SEPTIN3: variants seen among roughly 807,000 people sequenced by gnomAD.
The protein encoded by SEPTIN3 is neuronal-specific septin-3.
A neutral mutation model predicts 45.1 loss-of-function variants in SEPTIN3; 15 were observed. The observed-to-expected ratio is 0.33, with a 90% confidence interval of 0.22 to 0.51. The LOEUF (loss-of-function observed/expected upper bound fraction) is 0.51, where lower values mean the gene tolerates loss of function less well. Ranked by LOEUF, SEPTIN3 falls within the 20% of genes least tolerant of loss-of-function variation. The pLI, the probability that SEPTIN3 is intolerant of heterozygous loss-of-function variation, is 0.97. For synonymous variants in SEPTIN3, 148 were observed against 164.8 expected, an observed-to-expected ratio of 0.90 and a Z score of 0.78; for missense variants, 289 against 457.2, an observed-to-expected ratio of 0.63 and a Z score of 3.35.
intron 7 of SEPTIN3, among the ~76,000 whole-genome samples, chr22:41,990,670 C>T (rs1297263407): frequency 1.4e-5 from 2 of 144,654 alleles, no homozygotes; most frequent in African/African-American, 5.2e-5. Context: ...GGCATGAACC[C>T]GAGAGGCGGC....
chr22:41,972,590 A>G lies in SEPTIN3; in HGVS notation c.1098A>G (p.Thr366=). ...EPDKLGKAMA[T]RSTAKPDMTT... The stretch of plus-strand genomic sequence containing the variant: ...ACAAGCTGGGCAAAGCCATGGCTAC[A>G]AGAAGCACAGCCAAACCAGATATGA... Residue 366 remains threonine, a synonymous_variant, in exon 2 of 12, where the codon ACA becomes ACG. Coordinates refer to ENST00000644076, the MANE Select transcript of SEPTIN3 (RefSeq NM_001363845.2). 1 of 399,166 alleles carries G rather than the reference A, an allele frequency of 2.5e-6. No homozygotes were observed. The highest frequency in any genetic ancestry group is 4.4e-6 in the Non-Finnish European group (1 of 226,136). The allele number at this position is 399,166 out of a possible 1,614,324, so 24.7% of individuals were successfully genotyped here. A position where few individuals can be genotyped will look rare whatever the true frequency, so the allele number is the denominator to read the frequency against.
Position 41,972,099 on chromosome 22 carries a change from G to A in SEPTIN3, c.607G>A (p.Ala203Thr), listed in dbSNP as rs2077966112. 1 of 399,092 alleles carries A rather than the reference G, an allele frequency of 2.5e-6. No homozygotes were observed. Among genetic ancestry groups the A allele is most frequent in the Non-Finnish European group, 4.4e-6 (1 of 226,120 alleles). 24.7% of individuals were successfully genotyped at this position (399,092 alleles called of 1,614,324 possible). A position where few individuals can be genotyped will look rare whatever the true frequency, so the allele number is the denominator to read the frequency against. The change falls in exon 2 of 12, where the codon GCA becomes ACA. Residue 203 changes from alanine to threonine, a missense_variant. Transcript: ENST00000644076. Reference protein sequence around the residue: ...LPFQSRLAQSAPVLAEPGSLG... With the variant: ...LPFQSRLAQSTPVLAEPGSLG... The stretch of plus-strand genomic sequence containing the variant: ...TTTCCAATCCCGGTTAGCCCAGAGT[G>A]CACCAGTCCTTGCAGAGCCAGGCTC...
Position 41,977,145 on chromosome 22 carries a change from C to T in SEPTIN3, c.1504+4149C>T, listed in dbSNP as rs1266320678. The T allele has an allele frequency of 2.7e-6, 4 of 1,507,298 alleles. No individual in the cohort carries two copies. The East Asian group carries it at 7.4e-5, about 28-fold the overall frequency. The allele number at this position is 1,507,298 out of a possible 1,614,324, so 93.4% of individuals were successfully genotyped here. On this transcript the variant is annotated intron_variant, in intron 2 of 11. Transcript: ENST00000644076. ...CGGCCCCGGCCAGCGCGGCTGGAGG[C>T]GCTCCTGGGGGAGGGTTTCCGCGCC...
intron 3 of SEPTIN3, among the ~76,000 whole-genome samples, chr22:41,984,296 G>A (rs2078167014): frequency 6.6e-6 from 1 of 152,160 alleles, no homozygotes; most frequent in African/African-American, 2.4e-5. Flanking sequence ...CCCCCAGCAT[G>A]GTTCTTTTTC....
At chr22:41,995,548 C>T (rs893169830) in intron 11 of SEPTIN3, 92 of 985,046 alleles carry the variant, frequency 9.3e-5, no homozygotes, top group African/African-American at 4.0e-4. Flanking sequence ...CCCTCTCCTG[C>T]GTGTCTCTGA....
At chr22:41,991,426 G>A (rs945153912) in intron 7 of SEPTIN3, 147 bp from the exon 8 acceptor site, 8 of 669,380 alleles carry the variant, frequency 1.2e-5, no homozygotes, top group African/African-American at 1.1e-4. Context: ...TCTTCCTGCT[G>A]CTCAGGGTCT....
At chr22:41,990,279 C>T (rs1353296211) in intron 7 of SEPTIN3, among the ~76,000 whole-genome samples, 1 of 151,452 alleles carries the variant, frequency 6.6e-6, no homozygotes, top group East Asian at 2.0e-4. Flanking sequence ...TAGTCTTGAT[C>T]TCCTGACCTC....
At chr22:41,980,426 G>A (rs1209536601) in intron 2 of SEPTIN3, among the ~76,000 whole-genome samples, 2 of 152,056 alleles carry the variant, frequency 1.3e-5, no homozygotes, top group Non-Finnish European at 2.9e-5. Context: ...GTGAGCCACC[G>A]CGCCCGGCCA....
In SEPTIN3 at chr22:41,972,211, T is replaced by C. The variant is rs762098514; in HGVS notation, c.719T>C (p.Ile240Thr). ...PGKGKPRARGIPRPRGRLQRA... is the reference protein window; with the variant it reads ...PGKGKPRARGTPRPRGRLQRA... ...AAAGGCAAGCCCCGGGCCAGGGGGA[T>C]CCCCAGACCCCGGGGGCGTCTCCAA... The change falls in exon 2 of 12, where the codon ATC (isoleucine) becomes ACC (threonine). Residue 240 changes from isoleucine (I) to threonine (T), a missense_variant. This residue lies in a region of SEPTIN3 where 200 missense variants were observed against 315.1 expected (regional missense o/e 0.63). Coordinates refer to ENST00000644076, the MANE Select transcript of SEPTIN3 (RefSeq NM_001363845.2). The C allele has an allele frequency of 2.5e-6, 1 of 399,036 alleles. No individual in the cohort carries two copies. The highest frequency in any genetic ancestry group is 4.4e-6 in the Non-Finnish European group (1 of 226,112). 24.7% of individuals were successfully genotyped at this position (399,036 alleles called of 1,614,324 possible).
chr22:41,979,144 G>C (rs976252026), intron 2 of SEPTIN3, among the ~76,000 whole-genome samples: 7 of 152,268 alleles, frequency 4.6e-5, no homozygotes, highest in African/African-American at 1.7e-4. Flanking sequence ...ATGAAAGTGA[G>C]ATCTACCAGG....
chr22:41,976,246 G>A lies in SEPTIN3; in HGVS notation c.1504+3250G>A. On this transcript the variant is annotated intron_variant, in intron 2 of 11. Transcript: ENST00000644076. This position sits in a 1 kb window ranked among gnomAD's most constrained non-coding sequence, Gnocchi z 5.8. ...TGTGTGCACCCCGGCCCCTGCATTA[G>A]GACATTCCATCTTCCTGTCTCCTCC... 1 of 152,378 alleles carries A rather than the reference G, an allele frequency of 6.6e-6. No homozygotes were observed. The highest frequency in any genetic ancestry group is 1.9e-4 in the East Asian group (1 of 5,192). The allele number at this position is 152,378 out of a possible 1,614,324, so 9.4% of individuals were successfully genotyped here.
intron 2 of SEPTIN3, among the ~76,000 whole-genome samples, chr22:41,973,503 C>CAA (rs144943770): frequency 1.6e-4 from 20 of 121,672 alleles, no homozygotes; most frequent in African/African-American, 5.8e-4. Flanking sequence ...ACTAAAAGTA[C>CAA]AAAAAAAAAA....
At position 41,977,051 on chromosome 22, in the gene SEPTIN3, A is replaced by G. The variant is rs1441190114; in HGVS notation, c.1504+4055A>G. 1.9e-6 allele frequency: 3 copies of G among 1,601,204 alleles called. No individual in the cohort carries two copies. In the African/African-American group the frequency reaches 4.1e-5, roughly 22 times the overall value. ...GGAGCATCTCCCTGGAGGAACGGAGACAAAGGAGGATTCATGTCCAAAGGT... is the reference window on the plus strand; with the variant it reads ...GGAGCATCTCCCTGGAGGAACGGAGGCAAAGGAGGATTCATGTCCAAAGGT... On this transcript the variant is annotated intron_variant, in intron 2 of 11. Transcript: ENST00000644076.
Position 41,986,043 on chromosome 22 carries a change from C to T in SEPTIN3, c.1756C>T (p.Arg586Cys), listed in dbSNP as rs897081708. 6.2e-6 allele frequency: 10 copies of T among 1,613,722 alleles called. No individual in the cohort carries two copies. The highest frequency in any genetic ancestry group is 2.7e-5 in the African/African-American group (2 of 74,900). Reference protein sequence around the residue: ...VNTLFKSQVSRKASSWNREEK... With the variant: ...VNTLFKSQVSCKASSWNREEK... ...CACGCTCTTCAAATCCCAAGTGAGC[C>T]GCAAGGCCTCCAGCTGGAACCGGGA... Residue 586 changes from arginine (R) to cysteine (C), a missense_variant, in exon 4 of 12, where the codon CGC (arginine) becomes TGC (cysteine). This residue lies in a region of SEPTIN3 where 200 missense variants were observed against 315.1 expected (regional missense o/e 0.63). Coordinates refer to ENST00000644076, the MANE Select transcript of SEPTIN3 (RefSeq NM_001363845.2).
Position 41,989,778 on chromosome 22 carries a change from C to T in SEPTIN3, c.2163+94C>T, listed in dbSNP as rs920285915. ...CTCCTAGCCCTCATCATTCTGCCTT[C>T]ACCCCCACCCTCAACCCTCCCCCAA... On this transcript the variant is annotated intron_variant, in intron 7 of 11. Coordinates refer to ENST00000644076, the MANE Select transcript of SEPTIN3 (RefSeq NM_001363845.2). 1.2e-5 allele frequency: 10 copies of T among 810,168 alleles called. 1 individual carries two copies. Among genetic ancestry groups the T allele is most frequent in the African/African-American group, 3.3e-5 (2 of 59,802 alleles). The allele number at this position is 810,168 out of a possible 1,614,324, so 50.2% of individuals were successfully genotyped here. A position where few individuals can be genotyped will look rare whatever the true frequency, so the allele number is the denominator to read the frequency against.
Position 41,997,313 on chromosome 22 carries a change from TC to T in SEPTIN3, c.*349del. On this transcript the variant is annotated 3_prime_UTR_variant, in exon 12 of 12. Coordinates refer to ENST00000644076, the MANE Select transcript of SEPTIN3 (RefSeq NM_001363845.2). ...CCATCTCTAAGGGCAATGGCATTGC[TC>T]CCTACCCATTCATCTGCATGAGCTA... The T allele has an allele frequency of 3.8e-6, 1 of 266,274 alleles. No homozygotes were observed. Among genetic ancestry groups the T allele is most frequent in the Non-Finnish European group, 7.1e-6 (1 of 140,026 alleles). The allele number at this position is 266,274 out of a possible 1,614,324, so 16.5% of individuals were successfully genotyped here.
rs1784597749 is a variant in SEPTIN3 at position 41,971,534 on chromosome 22, G to A, written c.42G>A (p.Ser14=). The change falls in exon 2 of 12, where the codon TCG becomes TCA. Residue 14 remains serine, a synonymous_variant. Coordinates refer to ENST00000644076, the MANE Select transcript of SEPTIN3 (RefSeq NM_001363845.2). ...CTCCTGCTCCTCCAGAGATGCAGTC[G>A]CATGGAGCTCCAGGCCCGGGAACCT... ...NFAPAPPEMQ[S]HGAPGPGTSF... 1 of 399,154 alleles carries A rather than the reference G, an allele frequency of 2.5e-6. No homozygotes were observed. The highest frequency in any genetic ancestry group is 1.3e-4 in the South Asian group (1 of 7,846). The allele number at this position is 399,154 out of a possible 1,614,324, so 24.7% of individuals were successfully genotyped here.
intron 11 of SEPTIN3, chr22:41,995,884 G>C (rs1205666514): frequency 8.5e-6 from 8 of 944,072 alleles, no homozygotes; most frequent in Non-Finnish European, 1.0e-5. Flanking sequence ...TGGGACATCA[G>C]GTTCTAGAAC....
intron 8 of SEPTIN3, 128 bp from the exon 9 acceptor site, chr22:41,992,526 ATCAGTAGTAT>A: frequency 1.7e-6 from 1 of 595,634 alleles, no homozygotes; most frequent in Non-Finnish European, 3.0e-6. Flanking sequence ...TGCCCTTGCC[ATCAGTAGTAT>A]CTCTGAATGA....
Sources: gnomAD v4.1 joint callset for allele counts (sites outside exome capture counted in the v4.1 genomes callset) on GRCh38, gnomAD v4.1.1 for gene constraint, gnomAD v4.1.1 regional missense constraint, Gnocchi (gnomAD v3.1) non-coding constraint, MANE v1.5 for transcripts, NCBI Gene and HGNC (gene_info 2026-07-23, HGNC 2026-07-21) for gene names.